Variants in BMP5 observed in about 807,000 individuals in gnomAD.
BMP5 encodes the protein bone morphogenetic protein 5.
In BMP5, 23 loss-of-function variants were observed where a neutral mutation model predicts 46.6. That is an observed-to-expected ratio of 0.49 (90% CI 0.35 to 0.70). The LOEUF is 0.70. BMP5 is among the 30% of genes least tolerant of loss of function. The probability of loss-of-function intolerance (pLI) is 0.00; values close to 1 mark genes in which losing one functional copy is unlikely to be tolerated. For synonymous variants in BMP5, 204 were observed against 191.9 expected (o/e 1.06, Z -0.52); for missense variants, 545 against 565.6 (o/e 0.96, Z 0.37).
chr6:55,787,350 T>C (rs1775473591), intron 3 of BMP5, among the ~76,000 whole-genome samples: 1 of 151,720 alleles, frequency 6.6e-6, no homozygotes, highest in South Asian at 2.1e-4. Flanking sequence ...ACTTAAATTT[T>C]ATAAACCTAA....
At chr6:55,830,585 T>A (rs1270621226) in intron 1 of BMP5, among the ~76,000 whole-genome samples, 1 of 152,142 alleles carries the variant, frequency 6.6e-6, no homozygotes, top group Non-Finnish European at 1.5e-5. Context: ...TAGATTCAAA[T>A]TTAATAATTT....
intron 1 of BMP5, among the ~76,000 whole-genome samples, chr6:55,858,134 T>C (rs1340581896): frequency 6.6e-6 from 1 of 152,186 alleles, no homozygotes; most frequent in Non-Finnish European, 1.5e-5. Flanking sequence ...AATTAAGTTA[T>C]AGAAGGTTAT....
At chr6:55,822,039 T>G in intron 1 of BMP5, among the ~76,000 whole-genome samples, 1 of 152,222 alleles carries the variant, frequency 6.6e-6, no homozygotes, top group East Asian at 1.9e-4. Flanking sequence ...TAACATATTC[T>G]GCCTCATAAC....
chr6:55,794,528 C>T, intron 2 of BMP5, 101 bp from the exon 3 acceptor site: 1 of 1,158,556 alleles, frequency 8.6e-7, no homozygotes, highest in Non-Finnish European at 1.3e-6. Flanking sequence ...TGTAAAATAA[C>T]AGCAGTTAGT....
chr6:55,790,410 C>T (rs1562039306), intron 3 of BMP5, among the ~76,000 whole-genome samples: 1 of 152,190 alleles, frequency 6.6e-6, no homozygotes, highest in Non-Finnish European at 1.5e-5. Context: ...AACTGACATT[C>T]ATTCAAACCT....
chr6:55,756,184 T>C (rs570562050), intron 6 of BMP5, among the ~76,000 whole-genome samples: 2 of 152,092 alleles, frequency 1.3e-5, no homozygotes, highest in African/African-American at 4.8e-5. Context: ...AGCATAAAAA[T>C]CATAATAAAA....
At position 55,754,231 on chromosome 6, in the gene BMP5, G is replaced by A. The variant is rs1357186936; in HGVS notation, c.*1302C>T. On this transcript the variant is annotated 3_prime_UTR_variant, in exon 7 of 7. Transcript: ENST00000370830. ...CAATCTAAAGATCATTCTTCAAAAAGTCAGTGTGTGTTAAAGAAAGGCCTT... is the reference window on the plus strand; with the variant it reads ...CAATCTAAAGATCATTCTTCAAAAAATCAGTGTGTGTTAAAGAAAGGCCTT... 1 of 151,772 alleles carries A rather than the reference G, an allele frequency of 6.6e-6. No homozygotes were observed. Among genetic ancestry groups the A allele is most frequent in the African/African-American group, 2.4e-5 (1 of 41,354 alleles). The allele number at this position is 151,772 out of a possible 1,614,324, so 9.4% of individuals were successfully genotyped here. A position where few individuals can be genotyped will look rare whatever the true frequency, so the allele number is the denominator to read the frequency against.
intron 2 of BMP5, among the ~76,000 whole-genome samples, chr6:55,797,529 C>T (rs1775743945): frequency 6.6e-6 from 1 of 151,912 alleles, no homozygotes; most frequent in South Asian, 2.1e-4. Context: ...GAAATTAAAG[C>T]CTACATTGTA....
At chr6:55,839,391 T>C (rs1776897062) in intron 1 of BMP5, among the ~76,000 whole-genome samples, 1 of 152,124 alleles carries the variant, frequency 6.6e-6, no homozygotes, top group Non-Finnish European at 1.5e-5. Context: ...GGTACAATCA[T>C]AGCTCACTGC....
At chr6:55,834,945 G>C (rs1210173392) in intron 1 of BMP5, among the ~76,000 whole-genome samples, 1 of 152,094 alleles carries the variant, frequency 6.6e-6, no homozygotes, top group Non-Finnish European at 1.5e-5. Flanking sequence ...AAATAGCTGG[G>C]CATGGTGGCA....
At chr6:55,779,676 CTTAAA>C (rs1448547475) in intron 3 of BMP5, among the ~76,000 whole-genome samples, 1 of 152,044 alleles carries the variant, frequency 6.6e-6, no homozygotes, top group African/African-American at 2.4e-5. Flanking sequence ...TTACTATAAT[CTTAAA>C]TTAAGTATAT....
chr6:55,786,411 G>A (rs1031338742), intron 3 of BMP5, among the ~76,000 whole-genome samples: 3 of 151,580 alleles, frequency 2.0e-5, no homozygotes, highest in Admixed American at 6.6e-5. Flanking sequence ...AATTCTTCAA[G>A]TCACATAGAG....
At chr6:55,812,011 G>A (rs982211812) in intron 2 of BMP5, among the ~76,000 whole-genome samples, 4 of 152,230 alleles carry the variant, frequency 2.6e-5, no homozygotes, top group Middle Eastern at 6.8e-3. Context: ...TGTCCTCTGT[G>A]CTTGCCACAT....
In BMP5 at chr6:55,794,323, G is replaced by A. The variant is rs1775653103; in HGVS notation, c.788C>T (p.Pro263Leu). ...GAGCTGTAAGCCCAAATTATTCTGGGGATTAATCACCCAATGATTGCTGGT... is the reference window on the plus strand; with the variant it reads ...GAGCTGTAAGCCCAAATTATTCTGGAGATTAATCACCCAATGATTGCTGGT... The part of the protein sequence containing the change: ...TVTSNHWVIN[P>L]QNNLGLQLCA... Residue 263 changes from proline to leucine, a missense_variant, in exon 3 of 7, where the codon CCC becomes CTC. Pro to Leu is a moderately conservative substitution (Grantham distance 98, BLOSUM62 -3). Coordinates refer to ENST00000370830, the MANE Select transcript of BMP5 (RefSeq NM_021073.4). 5 of 1,613,778 alleles carry A rather than the reference G, an allele frequency of 3.1e-6. No individual in the cohort carries two copies. Among genetic ancestry groups the A allele is most frequent in the Non-Finnish European group, 4.2e-6 (5 of 1,179,872 alleles).
At chr6:55,818,923 G>GAGATAGATAGAT (rs199818485) in intron 2 of BMP5, among the ~76,000 whole-genome samples, 2 of 151,880 alleles carry the variant, frequency 1.3e-5, no homozygotes, top group Admixed American at 6.6e-5. Context: ...AGATACATGA[G>GAGATAGATAGAT]AGATAGATAG....
At position 55,837,357 on chromosome 6, in the gene BMP5, A is replaced by AGAT. The variant is rs1300519128; in HGVS notation, c.491-17513_491-17511dup. Among the ~76,000 whole-genome samples, 9 of 150,134 alleles carry AGAT rather than the reference A, an allele frequency of 6.0e-5. No individual in the cohort carries two copies. In the South Asian group the frequency reaches 8.4e-4, roughly 14 times the overall value. On this transcript the variant is annotated intron_variant, in intron 1 of 6. Coordinates refer to ENST00000370830, the MANE Select transcript of BMP5 (RefSeq NM_021073.4). ...AATTTAGATAGATAGATAGATAGAT[A>AGAT]GATAGATAGATAGATAGATAGACAG...
intron 1 of BMP5, among the ~76,000 whole-genome samples, chr6:55,845,260 A>C (rs914939304): frequency 3.3e-5 from 5 of 152,078 alleles, no homozygotes; most frequent in African/African-American, 1.2e-4. Flanking sequence ...GTGCTGAGAC[A>C]ATGAAAAATA....
intron 4 of BMP5, among the ~76,000 whole-genome samples, chr6:55,766,306 T>C (rs1774915434): frequency 6.6e-6 from 1 of 152,118 alleles, no homozygotes; most frequent in Non-Finnish European, 1.5e-5. Context: ...GTACTTACAG[T>C]GTTGATGTTC....
At chr6:55,842,864 C>A (rs573860162) in intron 1 of BMP5, among the ~76,000 whole-genome samples, 7 of 152,072 alleles carry the variant, frequency 4.6e-5, no homozygotes, top group African/African-American at 1.4e-4. Context: ...GGCAAAAGAG[C>A]AAATCACATT....
Sources: allele counts gnomAD v4.1 joint callset (sites outside exome capture counted in the v4.1 genomes callset), GRCh38; gene constraint gnomAD v4.1.1; transcripts MANE v1.5; gene names NCBI Gene and HGNC (gene_info 2026-07-23, HGNC 2026-07-21).